Variants in PAK3 observed in about 807,000 individuals in gnomAD.
The protein encoded by PAK3 is p21 (RAC1) activated kinase 3.
Under a neutral mutation model 41.0 loss-of-function variants are expected in PAK3, and 4 were observed. The observed-to-expected ratio is 0.10, with a 90% CI of 0.05 to 0.22. PAK3 has a LOEUF of 0.22. Ranked by LOEUF, PAK3 falls within the 10% of genes least tolerant of loss-of-function variation. The pLI is 1.00. For missense variants in PAK3, 205 were observed against 409.9 expected, an observed-to-expected ratio of 0.50 and a Z score of 4.32; for synonymous variants, 146 against 139.6, an observed-to-expected ratio of 1.05 and a Z score of -0.32.
At chrX:111,079,632 G>T (rs1206861272) in intron 1 of PAK3, among the ~76,000 whole-genome samples, 1 of 112,113 alleles carries the variant, frequency 8.9e-6, no homozygotes, top group Non-Finnish European at 1.9e-5. Context: ...GCAGCCCATG[G>T]ATCAATGGGA....
rs186189677 is a variant in PAK3, at chrX:111,039,870, C to T, written c.-27-83207C>T. Among the ~76,000 whole-genome samples the T allele has an allele frequency of 2.1e-4, 23 of 108,937 alleles. No individual in the cohort carries two copies. The East Asian group carries it at 6.4e-3, about 30-fold the overall frequency. The allele number at this position is 108,937 out of a possible 115,157, so 94.6% of individuals were successfully genotyped here. A position where few individuals can be genotyped will look rare whatever the true frequency, so the allele number is the denominator to read the frequency against. ...AGCTCAGAAGGGGTCCTGTGAGGCACATAATTCCTAGGGTCTTGGCTGAGG... is the reference window on the plus strand; with the variant it reads ...AGCTCAGAAGGGGTCCTGTGAGGCATATAATTCCTAGGGTCTTGGCTGAGG... On this transcript the variant is annotated intron_variant, in intron 1 of 14. Coordinates refer to the PAK3 transcript ENST00000425146.
chrX:110,964,858 G>GCTGA (rs1407065328), intron 1 of PAK3, among the ~76,000 whole-genome samples: 1 of 111,689 alleles, frequency 9.0e-6, no homozygotes, highest in Non-Finnish European at 1.9e-5. Context: ...TGGCTGGCTG[G>GCTGA]CTGACTGACT....
chrX:111,120,029 T>C (rs754553744), intron 4 of PAK3, among the ~76,000 whole-genome samples: 114 of 112,513 alleles, frequency 1.0e-3, no homozygotes, highest in African/African-American at 3.4e-3. Flanking sequence ...CTGAACTGTC[T>C]AGGAAAATGG....
intron 1 of PAK3, among the ~76,000 whole-genome samples, chrX:111,018,453 A>C (rs2092123182): frequency 9.0e-6 from 1 of 111,675 alleles, no homozygotes; most frequent in South Asian, 3.8e-4. Flanking sequence ...GACAACAAGC[A>C]ATCTGAAAAG....
chrX:111,006,340 G>A (rs1426665778), intron 1 of PAK3, among the ~76,000 whole-genome samples: 1 of 111,590 alleles, frequency 9.0e-6, no homozygotes, highest in African/African-American at 3.3e-5. Context: ...CTCCTTCTTA[G>A]GAAATATGCA....
intron 1 of PAK3, 90 bp downstream of exon 1, chrX:111,096,505 C>G (rs1317402124): frequency 1.8e-5 from 2 of 111,393 alleles, no homozygotes; most frequent in Non-Finnish European, 3.8e-5. Context: ...AGATGTTCTG[C>G]CTTTCCGGAC....
At chrX:111,085,091 ACTTAT>A (rs1249398389) in intron 1 of PAK3, among the ~76,000 whole-genome samples, 5 of 112,400 alleles carry the variant, frequency 4.4e-5, no homozygotes, top group Non-Finnish European at 7.5e-5. Flanking sequence ...AAAGCATGGA[ACTTAT>A]CTTAAAGTAC....
intron 4 of PAK3, among the ~76,000 whole-genome samples, chrX:111,114,846 C>T (rs2093435113): frequency 8.9e-6 from 1 of 112,384 alleles, no homozygotes; most frequent in African/African-American, 3.2e-5. Context: ...AGAATGTGCT[C>T]TAGGCTACAC....
At chrX:111,161,111 A>G (rs916833171) in intron 8 of PAK3, among the ~76,000 whole-genome samples, 6 of 111,388 alleles carry the variant, frequency 5.4e-5, no homozygotes, top group African/African-American at 2.0e-4. Context: ...ATTTCTCCAC[A>G]TCCTCTCCAG....
chrX:111,054,018 A>G (rs1268076326), intron 1 of PAK3, among the ~76,000 whole-genome samples: 1 of 111,246 alleles, frequency 9.0e-6, no homozygotes, highest in Non-Finnish European at 1.9e-5. Flanking sequence ...CTACCCAGCC[A>G]CTCTTTACTC....
intron 11 of PAK3, among the ~76,000 whole-genome samples, chrX:111,174,394 T>C (rs2094382961): frequency 9.0e-6 from 1 of 111,051 alleles, no homozygotes; most frequent in South Asian, 3.8e-4. Context: ...CAGGAAGAAA[T>C]GCATGGCCAA....
chrX:111,069,267 C>T (rs2148820623), intron 1 of PAK3, among the ~76,000 whole-genome samples: 1 of 111,699 alleles, frequency 9.0e-6, no homozygotes, highest in South Asian at 3.8e-4. Flanking sequence ...TGGTTTGTAG[C>T]TACACTTCGG....
intron 1 of PAK3, among the ~76,000 whole-genome samples, chrX:111,040,274 T>A (rs1319300444): frequency 9.0e-6 from 1 of 111,341 alleles, no homozygotes; most frequent in African/African-American, 3.3e-5. Flanking sequence ...AGCCCCTGAT[T>A]CATTGGGTTG....
intron 8 of PAK3, among the ~76,000 whole-genome samples, chrX:111,157,161 C>G (rs1248198165): frequency 3.6e-5 from 4 of 111,230 alleles, no homozygotes; most frequent in African/African-American, 1.3e-4. Context: ...TTCCAGGGCT[C>G]CACTCCCAGA....
intron 1 of PAK3, among the ~76,000 whole-genome samples, chrX:110,946,555 T>TA (rs1184800281): frequency 1.5e-4 from 17 of 112,462 alleles, no homozygotes; most frequent in Non-Finnish European, 2.8e-4. Flanking sequence ...GGATTCATAA[T>TA]CAGATTATGT....
At chrX:110,947,801 T>C (rs1014276226) in intron 1 of PAK3, among the ~76,000 whole-genome samples, 11 of 111,532 alleles carry the variant, frequency 9.9e-5, no homozygotes, top group African/African-American at 3.6e-4. Context: ...GTTCAGAGGC[T>C]GTCGGCATCT....
At chrX:111,076,938 CA>C (rs201122075) in intron 1 of PAK3, among the ~76,000 whole-genome samples, 2 of 109,964 alleles carry the variant, frequency 1.8e-5, no homozygotes, top group East Asian at 5.7e-4. Flanking sequence ...GAAACTCCAC[CA>C]AAAAAAACTC....
At chrX:111,166,723 G>A (rs777237702) in intron 10 of PAK3, among the ~76,000 whole-genome samples, 2 of 111,810 alleles carry the variant, frequency 1.8e-5, no homozygotes, top group South Asian at 7.4e-4. Flanking sequence ...GTCACCTAGG[G>A]CCAGTTATTT....
At chrX:111,195,821 C>CT (rs766802074) in intron 14 of PAK3, 21 bp from the exon 15 acceptor site, 32 of 1,009,142 alleles carry the variant, frequency 3.2e-5, no homozygotes, top group Admixed American at 4.4e-5. Context: ...ATAATTAGAA[C>CT]TTTTTTTTCT....
Sources: gnomAD v4.1 joint callset for allele counts (sites outside exome capture counted in the v4.1 genomes callset) on GRCh38, gnomAD v4.1.1 for gene constraint, MANE v1.5 for transcripts, NCBI Gene and HGNC (gene_info 2026-07-23, HGNC 2026-07-21) for gene names.